SOHLH2: variants seen among roughly 807,000 people sequenced by gnomAD.
SOHLH2 encodes spermatogenesis and oogenesis specific basic helix-loop-helix 2.
In SOHLH2, 22 loss-of-function variants were observed where a neutral mutation model predicts 50.4. The ratio of observed to expected loss-of-function variants is 0.44; its 90% CI spans 0.31 to 0.62. SOHLH2 has a LOEUF of 0.62. Among genes scored for constraint, SOHLH2 ranks in the 20% least tolerant of loss-of-function variants. The pLI, the probability that SOHLH2 is intolerant of heterozygous loss-of-function variation, is 0.08. For missense variants in SOHLH2, 412 were observed against 504.4 expected (o/e 0.82, Z 1.76); for synonymous variants, 185 against 187.3 (o/e 0.99, Z 0.10).
intron 6 of SOHLH2, among the ~76,000 whole-genome samples, chr13:36,183,669 A>G (rs1221384513): frequency 1.3e-5 from 2 of 152,186 alleles, no homozygotes; most frequent in Non-Finnish European, 2.9e-5. Flanking sequence ...AAATAACAAC[A>G]AGATTCAACG....
intron 10 of SOHLH2, 100 bp downstream of exon 10, chr13:36,170,431 C>T: frequency 6.8e-7 from 1 of 1,473,734 alleles, no homozygotes; most frequent in Non-Finnish European, 9.0e-7. Flanking sequence ...TCTTAGGTCC[C>T]AGCCTTCCAA....
At chr13:36,173,043 T>C (rs925745128) in intron 9 of SOHLH2, among the ~76,000 whole-genome samples, 5 of 152,190 alleles carry the variant, frequency 3.3e-5, no homozygotes, top group Non-Finnish European at 7.3e-5. Flanking sequence ...ACGGCACATA[T>C]AACAAAAATG....
At chr13:36,174,925 C>T in intron 6 of SOHLH2, 56 bp from the exon 7 acceptor site, 2 of 1,519,046 alleles carry the variant, frequency 1.3e-6, no homozygotes, top group East Asian at 2.3e-5. Flanking sequence ...CTTCATTGTA[C>T]CCAAAGACAA....
chr13:36,179,543 A>C (rs1168851751), intron 6 of SOHLH2, among the ~76,000 whole-genome samples: 1 of 151,888 alleles, frequency 6.6e-6, no homozygotes, highest in Non-Finnish European at 1.5e-5. Context: ...CGAGTAGCGG[A>C]GATTACAGGT....
intron 6 of SOHLH2, 35 bp downstream of exon 6, chr13:36,189,910 AG>A: frequency 2.0e-6 from 3 of 1,527,940 alleles, no homozygotes; most frequent in Non-Finnish European, 2.6e-6. Flanking sequence ...TCCCTACAAA[AG>A]AATAATGCTT....
intron 8 of SOHLH2, 136 bp from the exon 9 acceptor site, chr13:36,173,946 G>T: frequency 1.0e-6 from 1 of 990,286 alleles, no homozygotes; most frequent in Non-Finnish European, 1.5e-6. Flanking sequence ...TTACATATGA[G>T]CAAAGACACA....
chr13:36,201,126 G>C (rs907917574), intron 2 of SOHLH2, among the ~76,000 whole-genome samples: 2 of 151,644 alleles, frequency 1.3e-5, no homozygotes, highest in East Asian at 3.9e-4. Context: ...AAGAACACTG[G>C]AGGTGGTGGT....
intron 4 of SOHLH2, among the ~76,000 whole-genome samples, chr13:36,193,250 T>C (rs929706479): frequency 2.0e-5 from 3 of 152,236 alleles, no homozygotes; most frequent in African/African-American, 7.2e-5. Flanking sequence ...GCAAGTGTTT[T>C]GCAAAGAAGA....
chr13:36,173,850 G>A, intron 8 of SOHLH2, 40 bp from the exon 9 acceptor site: 1 of 1,609,620 alleles, frequency 6.2e-7, no homozygotes. Flanking sequence ...ATTTTTCAAG[G>A]AAAACAATGT....
At chr13:36,192,432 G>A (rs553059833) in intron 4 of SOHLH2, among the ~76,000 whole-genome samples, 45 of 152,142 alleles carry the variant, frequency 3.0e-4, no homozygotes, top group Middle Eastern at 6.8e-3. Flanking sequence ...AAAAGCCCTC[G>A]GTCACCAAAG....
intron 2 of SOHLH2, among the ~76,000 whole-genome samples, chr13:36,200,827 G>C (rs1369891308): frequency 6.6e-6 from 1 of 151,920 alleles, no homozygotes; most frequent in East Asian, 1.9e-4. Context: ...TAGGTGGGTG[G>C]ATCACGAGGT....
chr13:36,212,064 TG>T (rs1869159723), intron 1 of SOHLH2, among the ~76,000 whole-genome samples: 1 of 152,060 alleles, frequency 6.6e-6, no homozygotes, highest in Non-Finnish European at 1.5e-5. Context: ...CTCGGCCTTT[TG>T]GGGGGAAAAA....
intron 6 of SOHLH2, chr13:36,181,858 G>T: frequency 7.8e-6 from 2 of 257,840 alleles, no homozygotes; most frequent in African/African-American, 2.3e-5. Flanking sequence ...TACTCTGCAG[G>T]TCCACTGGTG....
chr13:36,184,501 C>T (rs1481255889), intron 6 of SOHLH2, among the ~76,000 whole-genome samples: 1 of 104,386 alleles, frequency 9.6e-6, no homozygotes, highest in African/African-American at 4.0e-5. Flanking sequence ...TTGCTCTTGC[C>T]CAGGCTGGAG....
Position 36,202,055 on chromosome 13 carries a change from C to T in SOHLH2, c.87G>A (p.Val29=). The change falls in exon 2 of 11, where the codon GTG becomes GTA. Residue 29 remains valine, a synonymous_variant. Coordinates refer to ENST00000379881, the MANE Select transcript of SOHLH2 (RefSeq NM_017826.3). ...TCTGTACAGTATCAGCCAGGTAGCC[C>T]ACAGTGACATCTCCAACTAATAAGA... The part of the protein sequence containing the change: ...IDILLVGDVT[V]GYLADTVQKL... 1 of 1,614,180 alleles carries T rather than the reference C, an allele frequency of 6.2e-7. No homozygotes were observed. The highest frequency in any genetic ancestry group is 8.5e-7 in the Non-Finnish European group (1 of 1,180,030).
At chr13:36,196,477 A>G (rs1211832374) in intron 2 of SOHLH2, among the ~76,000 whole-genome samples, 1 of 152,172 alleles carries the variant, frequency 6.6e-6, no homozygotes, top group Non-Finnish European at 1.5e-5. Flanking sequence ...ACGGAGGTAC[A>G]GACAACAGAA....
chr13:36,189,609 G>C (rs1476785686), intron 6 of SOHLH2, among the ~76,000 whole-genome samples: 1 of 152,084 alleles, frequency 6.6e-6, no homozygotes, highest in Non-Finnish European at 1.5e-5. Context: ...AACTTTCCTA[G>C]TGTCCTTATT....
chr13:36,184,328 A>C (rs892240500), intron 6 of SOHLH2, among the ~76,000 whole-genome samples: 1 of 152,192 alleles, frequency 6.6e-6, no homozygotes, highest in Non-Finnish European at 1.5e-5. Flanking sequence ...AAATATATCA[A>C]AGTTGATGAG....
intron 1 of SOHLH2, among the ~76,000 whole-genome samples, chr13:36,211,530 A>C (rs1287531784): frequency 6.6e-6 from 1 of 152,222 alleles, no homozygotes; most frequent in African/African-American, 2.4e-5. Flanking sequence ...CAATCCTTGG[A>C]ATATAGGAAG....
Sources: allele counts gnomAD v4.1 joint callset (sites outside exome capture counted in the v4.1 genomes callset), GRCh38; gene constraint gnomAD v4.1.1; transcripts MANE v1.5; gene names NCBI Gene and HGNC (gene_info 2026-07-23, HGNC 2026-07-21).